COL19A1: variants seen among roughly 807,000 people sequenced by gnomAD.
The protein encoded by COL19A1 is collagen type XIX alpha 1 chain, also known as collagen alpha-1(XIX) chain.
A neutral mutation model predicts 190.2 loss-of-function variants in COL19A1; 159 were observed. The observed-to-expected ratio is 0.84, with a 90% CI of 0.73 to 0.95. The LOEUF (loss-of-function observed/expected upper bound fraction) is 0.95, where lower values mean the gene tolerates loss of function less well. Among genes scored for constraint, COL19A1 ranks in the 40% least tolerant of loss-of-function variants. The pLI is 0.00. For missense variants in COL19A1, 1,418 were observed against 1,431.9 expected (o/e 0.99, Z 0.16); for synonymous variants, 509 against 458.9 (o/e 1.11, Z -1.39).
rs549574662 is a variant in COL19A1, at chr6:70,148,804, G to A, written c.1894-900G>A. Among the ~76,000 whole-genome samples, 7 of 152,210 alleles carry A rather than the reference G, an allele frequency of 4.6e-5. No homozygotes were observed. The East Asian group carries it at 1.2e-3, about 25-fold the overall frequency. The stretch of plus-strand genomic sequence containing the variant: ...TAGCCAAACGTGGTGGTGGGTGCCT[G>A]TAATACCAGCTACTCAAGAGACTGA... On this transcript the variant is annotated intron_variant, in intron 27 of 50. Coordinates refer to ENST00000620364, the MANE Select transcript of COL19A1 (RefSeq NM_001858.6).
chr6:70,199,846 T>TG, intron 49 of COL19A1, 110 bp downstream of exon 49: 1 of 979,484 alleles, frequency 1.0e-6, no homozygotes, highest in Non-Finnish European at 1.5e-6. Context: ...TATTTATACA[T>TG]TACATATATA....
chr6:70,073,850 G>T (rs1781700063), intron 15 of COL19A1, among the ~76,000 whole-genome samples: 1 of 152,108 alleles, frequency 6.6e-6, no homozygotes, highest in African/African-American at 2.4e-5. Flanking sequence ...TAAATTTACT[G>T]GGATTTTCAT....
intron 11 of COL19A1, among the ~76,000 whole-genome samples, chr6:69,993,928 G>GT (rs201240664): frequency 0.013 from 1,892 of 149,002 alleles, 35 homozygotes; most frequent in African/African-American, 0.034. Flanking sequence ...TCTTTTGTAT[G>GT]TTTTTTTTTG....
chr6:69,891,975 T>C (rs1215082105), intron 2 of COL19A1, among the ~76,000 whole-genome samples: 11 of 152,226 alleles, frequency 7.2e-5, no homozygotes, highest in Non-Finnish European at 1.6e-4. Context: ...GGGAGTTGCA[T>C]GGACTCCTTA....
At chr6:70,156,420 GA>G (rs766917150) in intron 33 of COL19A1, 51 bp downstream of exon 33, 5 of 1,551,976 alleles carry the variant, frequency 3.2e-6, no homozygotes, top group East Asian at 4.5e-5. Flanking sequence ...AATTTAGTAT[GA>G]AAAAAAGAAC....
At chr6:69,921,696 TCGTATATATTCGTA>T (rs1771959764) in intron 4 of COL19A1, among the ~76,000 whole-genome samples, 1 of 146,996 alleles carries the variant, frequency 6.8e-6, no homozygotes, top group Non-Finnish European at 1.5e-5. Flanking sequence ...GTATGTAGAT[TCGTATATATTCGTA>T]TGTAGATTCG....
chr6:70,167,993 A>G, intron 37 of COL19A1, 32 bp from the exon 38 acceptor site: 1 of 1,500,146 alleles, frequency 6.7e-7, no homozygotes, highest in South Asian at 1.2e-5. Context: ...TTAACTTCCA[A>G]GAATAATTCT....
intron 2 of COL19A1, chr6:69,889,815 G>C: frequency 6.6e-6 from 1 of 152,266 alleles, no homozygotes; most frequent in Non-Finnish European, 1.5e-5. Flanking sequence ...GGATGTGGGT[G>C]GGGAAAAATA....
chr6:70,206,822 T>C, intron 49 of COL19A1, 79 bp from the exon 50 acceptor site: 1 of 1,197,284 alleles, frequency 8.4e-7, no homozygotes, highest in East Asian at 2.4e-5. Flanking sequence ...TATCACAGAC[T>C]CAGAAAATGG....
At chr6:70,031,315 G>A (rs1270934328) in intron 12 of COL19A1, among the ~76,000 whole-genome samples, 3 of 151,898 alleles carry the variant, frequency 2.0e-5, no homozygotes, top group Non-Finnish European at 4.4e-5. Flanking sequence ...GATCAAATCA[G>A]GATGTTTAGG....
chr6:69,883,879 G>A (rs765856602), intron 2 of COL19A1, among the ~76,000 whole-genome samples: 13 of 151,894 alleles, frequency 8.6e-5, no homozygotes, highest in East Asian at 1.9e-4. Context: ...TTAAAATAAC[G>A]GATTTTAGCT....
chr6:70,205,186 T>C (rs1222360194), intron 49 of COL19A1, among the ~76,000 whole-genome samples: 1 of 152,194 alleles, frequency 6.6e-6, no homozygotes, highest in East Asian at 1.9e-4. Context: ...TTTTAACATA[T>C]ATTCTTTTTT....
At chr6:69,874,273 G>C (rs1768004210) in intron 1 of COL19A1, among the ~76,000 whole-genome samples, 1 of 152,194 alleles carries the variant, frequency 6.6e-6, no homozygotes, top group Admixed American at 6.5e-5. Context: ...CAGTTTTGTT[G>C]AGGTCAACCT....
At chr6:69,999,535 T>A in intron 11 of COL19A1, among the ~76,000 whole-genome samples, 1 of 151,982 alleles carries the variant, frequency 6.6e-6, no homozygotes, top group Non-Finnish European at 1.5e-5. Flanking sequence ...CCCTGTCTCA[T>A]AAAAAAATTT....
intron 27 of COL19A1, 107 bp from the exon 28 acceptor site, chr6:70,149,597 C>T (rs1786900074): frequency 1.7e-5 from 24 of 1,417,426 alleles, no homozygotes; most frequent in Non-Finnish European, 2.2e-5. Context: ...GGTGGCAAAC[C>T]CTGTTGTTCC....
At chr6:69,953,235 C>A (rs1418146875) in intron 9 of COL19A1, among the ~76,000 whole-genome samples, 1 of 151,866 alleles carries the variant, frequency 6.6e-6, no homozygotes, top group Non-Finnish European at 1.5e-5. Flanking sequence ...GAGAAAAATA[C>A]CTCTTAAGCA....
Position 69,962,888 on chromosome 6 carries a change from C to G in COL19A1, c.1026+18C>G, listed in dbSNP as rs1384577417. The G allele has an allele frequency of 1.9e-6, 3 of 1,586,912 alleles. No homozygotes were observed. Among genetic ancestry groups the G allele is most frequent in the African/African-American group, 1.3e-5 (1 of 74,164 alleles). On this transcript the variant is annotated intron_variant, in intron 11 of 50. Transcript: ENST00000620364. ...GTGAAAAGGTAAATATCTCTTTTTACATTCACATCTGTAAAAAGAAATTGT... is the reference window on the plus strand; with the variant it reads ...GTGAAAAGGTAAATATCTCTTTTTAGATTCACATCTGTAAAAAGAAATTGT...
Position 69,932,950 on chromosome 6 carries a change from C to T in COL19A1, c.747+87C>T, listed in dbSNP as rs942058083. On this transcript the variant is annotated intron_variant, in intron 7 of 50. Coordinates refer to ENST00000620364, the MANE Select transcript of COL19A1 (RefSeq NM_001858.6). ...TTTGTAGAGTCCAAATGTAGGGTAG[C>T]ACTGAGTGTGTTCTGTTGAAGCCAG... 4 of 829,378 alleles carry T rather than the reference C, an allele frequency of 4.8e-6. No homozygotes were observed. In the Admixed American group the frequency reaches 1.0e-4, roughly 22 times the overall value. 51.4% of individuals were successfully genotyped at this position (829,378 alleles called of 1,614,324 possible).
intron 9 of COL19A1, among the ~76,000 whole-genome samples, chr6:69,940,381 C>T (rs570604965): frequency 6.6e-6 from 1 of 151,966 alleles, no homozygotes; most frequent in Non-Finnish European, 1.5e-5. Context: ...AAATACAGGG[C>T]CTGCTCTCAC....
Sources: allele counts gnomAD v4.1 joint callset (sites outside exome capture counted in the v4.1 genomes callset), GRCh38; gene constraint gnomAD v4.1.1; transcripts MANE v1.5; gene names NCBI Gene and HGNC (gene_info 2026-07-23, HGNC 2026-07-21).